The following LIMS2 variants were observed in gnomAD, a reference collection of about 807,000 sequenced individuals.
LIMS2 encodes LIM zinc finger domain containing 2, also known as LIM and senescent cell antigen-like-containing domain protein 2.
Under a neutral mutation model 45.3 loss-of-function variants are expected in LIMS2, and 30 were observed. The ratio of observed to expected loss-of-function variants is 0.66; its 90% CI spans 0.50 to 0.90. The LOEUF (loss-of-function observed/expected upper bound fraction) is 0.90, where lower values mean the gene tolerates loss of function less well. Ranked by LOEUF, LIMS2 falls within the 40% of genes least tolerant of loss-of-function variation. LIMS2 has a pLI of 0.00. For missense variants in LIMS2, 485 were observed against 468.7 expected (o/e 1.03, Z -0.32); for synonymous variants, 173 against 188.0 (o/e 0.92, Z 0.65).
At chr2:127,673,205 T>G (rs986041816) in intron 1 of LIMS2, among the ~76,000 whole-genome samples, 2 of 152,016 alleles carry the variant, frequency 1.3e-5, no homozygotes, top group African/African-American at 4.8e-5. Flanking sequence ...TCAAACAAAC[T>G]CCAGGAGAAA....
At chr2:127,670,381 G>A (rs544397260) in intron 1 of LIMS2, among the ~76,000 whole-genome samples, 110 of 152,306 alleles carry the variant, frequency 7.2e-4, no homozygotes, top group African/African-American at 2.3e-3. Flanking sequence ...AGGCACAAAA[G>A]GCTATATAAT....
chr2:127,658,409 CAA>C (rs1684402761), intron 1 of LIMS2, among the ~76,000 whole-genome samples: 1 of 152,264 alleles, frequency 6.6e-6, no homozygotes, highest in East Asian at 1.9e-4. Context: ...ATAAAAAAGA[CAA>C]GAGTATGAAT....
chr2:127,654,629 C>A (rs1333269463), intron 3 of LIMS2, 85 bp from the exon 4 acceptor site: 5 of 1,588,664 alleles, frequency 3.1e-6, no homozygotes, highest in Admixed American at 1.7e-5. Context: ...ACCTAGCACT[C>A]CGCCTGCTCT....
chr2:127,656,793 G>C (rs1387652367), intron 2 of LIMS2, among the ~76,000 whole-genome samples: 1 of 152,156 alleles, frequency 6.6e-6, no homozygotes, highest in Non-Finnish European at 1.5e-5. Context: ...TCTTGCAGAG[G>C]GGAAGCCTAT....
rs1685446001 is a variant in LIMS2 at position 127,675,054 on chromosome 2, C to T, written c.-30G>A. 3.9e-6 allele frequency: 4 copies of T among 1,025,592 alleles called. No individual in the cohort carries two copies. The highest frequency in any genetic ancestry group is 1.7e-5 in the African/African-American group (1 of 58,576). The allele number at this position is 1,025,592 out of a possible 1,614,324, so 63.5% of individuals were successfully genotyped here. ...GCAGCGACGCCGAGCCCTGGGTTGC[C>T]GGGGTTGCCGCGGGTCTCCCTCTGC... On this transcript the variant is annotated 5_prime_UTR_variant, in exon 1 of 10. Transcript: ENST00000355119.
rs185624919 is a variant in LIMS2, at chr2:127,641,031, C to T, written c.661-43G>A. 565 of 1,544,204 alleles carry T rather than the reference C, an allele frequency of 3.7e-4. 2 individuals are homozygous for T. The highest frequency in any genetic ancestry group is 3.6e-3 in the Admixed American group (215 of 59,866). Reference sequence around the variant, plus strand: ...GGGCCGGGTGGCATCAGGGCTAGAGCGGTGACCCCGAGGGACAGTGGTGAC... The same window carrying T: ...GGGCCGGGTGGCATCAGGGCTAGAGTGGTGACCCCGAGGGACAGTGGTGAC... On this transcript the variant is annotated intron_variant, in intron 6 of 9. Transcript: ENST00000355119.
rs1682574017 is a variant in LIMS2 at position 127,642,865 on chromosome 2, C to A, written c.509+58G>T. ...CCAGGTGGAGGCCCCACCGCCCTTA[C>A]CCTGGGCCAGCCCTGGCTCCCCGCC... On this transcript the variant is annotated intron_variant, in intron 5 of 9. Transcript: ENST00000355119. The surrounding 1 kb of genome is among the most constrained non-coding windows in gnomAD (Gnocchi z 5.3). 10 of 1,530,474 alleles carry A rather than the reference C, an allele frequency of 6.5e-6. No individual in the cohort carries two copies. The Admixed American group carries it at 9.9e-5, about 15-fold the overall frequency. 94.8% of individuals were successfully genotyped at this position (1,530,474 alleles called of 1,614,324 possible).
At chr2:127,654,383 GC>G (rs1684093265) in intron 4 of LIMS2, 40 bp downstream of exon 4, 3 of 1,612,982 alleles carry the variant, frequency 1.9e-6, no homozygotes, top group Middle Eastern at 3.4e-4. Flanking sequence ...GCCAGGAAGG[GC>G]TGTGGCCCAG....
At chr2:127,640,746 CCCAGGCCAGGAG>C (rs1430191183) in intron 7 of LIMS2, 138 bp downstream of exon 7, 2 of 688,902 alleles carry the variant, frequency 2.9e-6, no homozygotes, top group African/African-American at 3.6e-5. Context: ...GTCTCGAGAC[CCCAGGCCAGGAG>C]CCAGGGCTGA....
chr2:127,646,130 G>A (rs927890272), intron 4 of LIMS2: 1 of 152,350 alleles, frequency 6.6e-6, no homozygotes, highest in Non-Finnish European at 1.5e-5. Context: ...TCCTTAAATA[G>A]CCAGCGTTCC....
rs1288417235 is a variant in LIMS2, at chr2:127,642,064, C to A, written c.645G>T (p.Lys215Asn). ...CCTGGCTCACCTCCACGTGCCACTGCTTGCCCAGCGCGTTGACCACTCGGC... is the reference window on the plus strand; with the variant it reads ...CCTGGCTCACCTCCACGTGCCACTGATTGCCCAGCGCGTTGACCACTCGGC... ...IEGRVVNALG[K>N]QWHVEHFVCA... The change falls in exon 6 of 10, where the codon AAG (lysine) becomes AAT (asparagine). Residue 215 changes from lysine (K) to asparagine (N), a missense_variant. Lys to Asn is a moderately conservative substitution (Grantham distance 94). Coordinates refer to ENST00000355119, the MANE Select transcript of LIMS2 (RefSeq NM_001161403.3). This position sits in a 1 kb window ranked among gnomAD's most constrained non-coding sequence, Gnocchi z 5.3. The A allele has an allele frequency of 6.2e-7, 1 of 1,611,168 alleles. No homozygotes were observed. Among genetic ancestry groups the A allele is most frequent in the Non-Finnish European group, 8.5e-7 (1 of 1,179,156 alleles).
intron 1 of LIMS2, among the ~76,000 whole-genome samples, chr2:127,658,498 T>C (rs906523478): frequency 2.0e-5 from 3 of 152,180 alleles, no homozygotes; most frequent in East Asian, 3.8e-4. Flanking sequence ...CCAGAGTCAG[T>C]GGTGGGTTTC....
chr2:127,662,625 CTTGTGGG>C (rs1238340352), intron 1 of LIMS2, among the ~76,000 whole-genome samples: 13 of 59,186 alleles, frequency 2.2e-4, no homozygotes, highest in Non-Finnish European at 3.1e-4. Flanking sequence ...ACCAGAGGCT[CTTGTGGG>C]GTGGGGGGTG....
intron 1 of LIMS2, among the ~76,000 whole-genome samples, chr2:127,665,860 T>C (rs912363866): frequency 6.6e-6 from 1 of 152,196 alleles, no homozygotes; most frequent in Non-Finnish European, 1.5e-5. Flanking sequence ...GGGTCACATA[T>C]AGCACTGGAA....
At chr2:127,646,554 G>C (rs1683005190) in intron 4 of LIMS2, 1 of 152,278 alleles carries the variant, frequency 6.6e-6, no homozygotes, top group South Asian at 2.1e-4. Context: ...GCCTGGGAGA[G>C]GGCTCGGGCC....
At chr2:127,662,764 G>A (rs1326104199) in intron 1 of LIMS2, among the ~76,000 whole-genome samples, 1 of 151,864 alleles carries the variant, frequency 6.6e-6, no homozygotes, top group African/African-American at 2.4e-5. Context: ...TGCAGGTTGT[G>A]CACATGTACC....
At chr2:127,639,595 AG>A (rs1023334232) in intron 9 of LIMS2, among the ~76,000 whole-genome samples, 167 bp from the exon 10 acceptor site, 2 of 152,188 alleles carry the variant, frequency 1.3e-5, no homozygotes, top group African/African-American at 4.8e-5. Context: ...AGGGATGAGA[AG>A]GGCCTTGAGG....
In LIMS2 at chr2:127,663,093, G is replaced by A. The variant is rs187855529; in HGVS notation, c.12-5531C>T. 8.4e-4 allele frequency among the ~76,000 whole-genome samples: 128 copies of A among 152,336 alleles called. 1 individual carries two copies. The highest frequency in any genetic ancestry group is 3.0e-3 in the African/African-American group (125 of 41,576). ...GGGCTGCCCCAGGCCTGTCATCATC[G>A]TGCCTGTCCTGCCTGCATCTCAGCT... On this transcript the variant is annotated intron_variant, in intron 1 of 9. Coordinates refer to ENST00000355119, the MANE Select transcript of LIMS2 (RefSeq NM_001161403.3).
upstream of LIMS2, among the ~76,000 whole-genome samples, chr2:127,675,813 C>A (rs1201017167): frequency 5.3e-5 from 8 of 152,238 alleles, no homozygotes; most frequent in Admixed American, 5.2e-4. Context: ...GTCCCGCCCC[C>A]AGGGAGGCTA....
Sources: allele counts gnomAD v4.1 joint callset (sites outside exome capture counted in the v4.1 genomes callset), GRCh38; gene constraint gnomAD v4.1.1; non-coding constraint Gnocchi (gnomAD v3.1); transcripts MANE v1.5; gene names NCBI Gene and HGNC (gene_info 2026-07-23, HGNC 2026-07-21).